Variants in PRKCE observed in about 807,000 individuals in gnomAD.
PRKCE encodes the protein protein kinase C epsilon type.
PRKCE carries 16 observed loss-of-function variants against 85.4 expected under a neutral mutation model. That is an observed-to-expected ratio of 0.19 (90% CI 0.13 to 0.28). The LOEUF is 0.28. PRKCE is among the 10% of genes least tolerant of loss of function. PRKCE has a pLI of 1.00. For missense variants in PRKCE, 573 were observed against 975.2 expected, an observed-to-expected ratio of 0.59 and a Z score of 5.49; for synonymous variants, 388 against 371.5, an observed-to-expected ratio of 1.04 and a Z score of -0.51.
chr2:46,164,502 T>G (rs988443867), intron 14 of PRKCE, among the ~76,000 whole-genome samples: 2 of 152,252 alleles, frequency 1.3e-5, no homozygotes, highest in Non-Finnish European at 2.9e-5. Flanking sequence ...CCATGCCCTT[T>G]TGGCATCATA....
intron 11 of PRKCE, among the ~76,000 whole-genome samples, chr2:46,109,029 C>T (rs1440758798): frequency 6.6e-6 from 1 of 151,824 alleles, no homozygotes; most frequent in Admixed American, 6.6e-5. Flanking sequence ...TATTTTGAGG[C>T]TTTCTATTCT....
chr2:45,756,655 A>C (rs1322233215), intron 1 of PRKCE, among the ~76,000 whole-genome samples: 2 of 152,260 alleles, frequency 1.3e-5, no homozygotes, highest in African/African-American at 4.8e-5. Flanking sequence ...CTATTTAGTA[A>C]TAAAAAGGAA....
intron 6 of PRKCE, among the ~76,000 whole-genome samples, chr2:45,992,700 C>G (rs1703902477): frequency 1.3e-5 from 2 of 152,222 alleles, no homozygotes; most frequent in Admixed American, 6.5e-5. Context: ...TGTCACCATT[C>G]CCAGAAGGTT....
chr2:45,689,310 C>A (rs535197346), intron 1 of PRKCE, among the ~76,000 whole-genome samples: 37 of 152,062 alleles, frequency 2.4e-4, no homozygotes, highest in Non-Finnish European at 5.1e-4. Context: ...CTTGGGTAAC[C>A]AGAACGTGAT....
intron 1 of PRKCE, among the ~76,000 whole-genome samples, chr2:45,838,850 C>T (rs1178581800): frequency 6.6e-6 from 1 of 152,144 alleles, no homozygotes; most frequent in South Asian, 2.1e-4. Context: ...TGTAACAATA[C>T]CAACTTTGTT....
chr2:46,030,184 A>G (rs1707418302), intron 10 of PRKCE, among the ~76,000 whole-genome samples: 1 of 152,148 alleles, frequency 6.6e-6, no homozygotes, highest in Admixed American at 6.5e-5. Context: ...ACAATATTCT[A>G]GGCATCCACC....
At chr2:45,991,764 G>A (rs1409173605) in intron 6 of PRKCE, among the ~76,000 whole-genome samples, 2 of 152,206 alleles carry the variant, frequency 1.3e-5, no homozygotes, top group African/African-American at 4.8e-5. Flanking sequence ...TACAAGGAGG[G>A]AATTACATAA....
At chr2:45,657,140 T>C (rs1367667282) in intron 1 of PRKCE, among the ~76,000 whole-genome samples, 2 of 152,210 alleles carry the variant, frequency 1.3e-5, no homozygotes, top group Non-Finnish European at 2.9e-5. Context: ...GTTTCCTCTT[T>C]GTTCTACTGC....
At chr2:46,132,136 C>T (rs532486515) in intron 11 of PRKCE, among the ~76,000 whole-genome samples, 10 of 152,254 alleles carry the variant, frequency 6.6e-5, no homozygotes, top group Admixed American at 2.0e-4. Flanking sequence ...TGACTGACCA[C>T]GCTCTTTGTT....
intron 1 of PRKCE, among the ~76,000 whole-genome samples, chr2:45,712,629 A>G (rs1162347405): frequency 6.6e-6 from 1 of 152,132 alleles, no homozygotes; most frequent in Non-Finnish European, 1.5e-5. Context: ...CATTCCCTCT[A>G]TGATCTGCTA....
chr2:45,722,611 A>G (rs1350900665), intron 1 of PRKCE, among the ~76,000 whole-genome samples: 1 of 152,190 alleles, frequency 6.6e-6, no homozygotes, highest in Non-Finnish European at 1.5e-5. Flanking sequence ...CAGATAGGTC[A>G]CCATCCTTTT....
chr2:46,005,856 G>T (rs1271324241), intron 8 of PRKCE, among the ~76,000 whole-genome samples: 2 of 152,230 alleles, frequency 1.3e-5, no homozygotes, highest in African/African-American at 4.8e-5. Context: ...CTCTGGGGCT[G>T]CAGAACTTGT....
intron 6 of PRKCE, among the ~76,000 whole-genome samples, chr2:45,998,081 T>C (rs183722053): frequency 6.6e-6 from 1 of 152,358 alleles, no homozygotes; most frequent in East Asian, 1.9e-4. Context: ...GTGGTCTTTC[T>C]TGGTGATTGC....
chr2:45,854,811 C>T (rs530831545), intron 2 of PRKCE, among the ~76,000 whole-genome samples: 8 of 152,284 alleles, frequency 5.3e-5, no homozygotes, highest in African/African-American at 1.9e-4. Flanking sequence ...GTCTTAGAAA[C>T]TTAAAATGTG....
At chr2:45,810,303 A>T (rs1688563144) in intron 1 of PRKCE, among the ~76,000 whole-genome samples, 1 of 152,200 alleles carries the variant, frequency 6.6e-6, no homozygotes, top group South Asian at 2.1e-4. Context: ...GGCCTCCCAA[A>T]GTGCTGGGAT....
chr2:45,706,144 T>C (rs1679099042), intron 1 of PRKCE, among the ~76,000 whole-genome samples: 1 of 152,082 alleles, frequency 6.6e-6, no homozygotes, highest in Non-Finnish European at 1.5e-5. Flanking sequence ...TGAGAAGCAG[T>C]AGAAGCCCTG....
chr2:45,996,864 T>C (rs1294659820), intron 6 of PRKCE, among the ~76,000 whole-genome samples: 1 of 152,188 alleles, frequency 6.6e-6, no homozygotes, highest in Non-Finnish European at 1.5e-5. Context: ...ATATATTCTG[T>C]CTGTTTCTTT....
intron 10 of PRKCE, among the ~76,000 whole-genome samples, chr2:46,035,351 G>C (rs970385594): frequency 1.3e-5 from 2 of 152,230 alleles, no homozygotes; most frequent in African/African-American, 2.4e-5. Flanking sequence ...ACAAGGTCCA[G>C]GTCTCCTGTG....
At chr2:46,043,469 A>G (rs1708336458) in intron 10 of PRKCE, among the ~76,000 whole-genome samples, 1 of 152,216 alleles carries the variant, frequency 6.6e-6, no homozygotes. Flanking sequence ...ATATTATGTT[A>G]CAAATGTTTT....
Sources: gnomAD v4.1 joint callset for allele counts (sites outside exome capture counted in the v4.1 genomes callset) on GRCh38, gnomAD v4.1.1 for gene constraint, MANE v1.5 for transcripts, NCBI Gene and HGNC (gene_info 2026-07-23, HGNC 2026-07-21) for gene names.